Variants in PLEKHB2 observed in about 807,000 individuals in gnomAD.
The protein encoded by PLEKHB2 is pleckstrin homology domain containing B2, also known as pleckstrin homology domain-containing family B member 2.
PLEKHB2 carries 31 observed loss-of-function variants against 36.5 expected under a neutral mutation model. That is an observed-to-expected ratio of 0.85 (90% CI 0.64 to 1.15). The LOEUF is 1.15. Ranked by LOEUF, PLEKHB2 falls within the 50% of genes most tolerant of loss-of-function variation. The probability of loss-of-function intolerance (pLI) is 0.00; values close to 1 mark genes in which losing one functional copy is unlikely to be tolerated. For missense variants in PLEKHB2, 262 were observed against 295.3 expected (o/e 0.89, Z 0.83); for synonymous variants, 119 against 112.0 (o/e 1.06, Z -0.39).
intron 1 of PLEKHB2, among the ~76,000 whole-genome samples, chr2:131,111,676 A>G (rs910481871): frequency 6.6e-6 from 1 of 151,780 alleles, no homozygotes; most frequent in African/African-American, 2.4e-5. Context: ...TTTTTAGTAG[A>G]GACGGGGTTT....
intron 5 of PLEKHB2, 105 bp from the exon 6 acceptor site, chr2:131,132,797 G>T (rs1038801338): frequency 4.3e-6 from 3 of 700,002 alleles, no homozygotes; most frequent in African/African-American, 1.8e-5. Flanking sequence ...GTATCTTTTT[G>T]TTTTTTTAAA....
chr2:131,133,318 A>G (rs1697908753), intron 6 of PLEKHB2, among the ~76,000 whole-genome samples: 1 of 152,184 alleles, frequency 6.6e-6, no homozygotes, highest in Non-Finnish European at 1.5e-5. Context: ...TTATAGTCAG[A>G]AAAAAATGCT....
Position 131,132,940 on chromosome 2 carries a change from C to G in PLEKHB2, c.372C>G (p.Ser124=). 6.2e-7 allele frequency: 1 copy of G among 1,613,710 alleles called. No individual in the cohort carries two copies. Among genetic ancestry groups the G allele is most frequent in the Non-Finnish European group, 8.5e-7 (1 of 1,179,618 alleles). Residue 124 remains serine (S), a synonymous_variant, in exon 6 of 8, where the codon TCC becomes TCG. Coordinates refer to ENST00000693505, the MANE Select transcript of PLEKHB2 (RefSeq NM_001100623.2). ...VGSAVMTDET[S]VVSSPPPYTA... The stretch of plus-strand genomic sequence containing the variant: ...CTGCAGTCATGACCGATGAGACATC[C>G]GTGGTTTCCTCACCTCCACCATACA...
At chr2:131,124,189 G>A (rs1696860634) in intron 2 of PLEKHB2, among the ~76,000 whole-genome samples, 1 of 152,142 alleles carries the variant, frequency 6.6e-6, no homozygotes, top group African/African-American at 2.4e-5. Context: ...GTGGATGCTT[G>A]GGTATCACTT....
intron 6 of PLEKHB2, among the ~76,000 whole-genome samples, chr2:131,138,988 G>A: frequency 6.6e-6 from 1 of 152,214 alleles, no homozygotes; most frequent in East Asian, 1.9e-4. Context: ...GGCCTGCTGA[G>A]CATGGAAATT....
chr2:131,130,122 C>T (rs1478689248), intron 4 of PLEKHB2, among the ~76,000 whole-genome samples: 1 of 152,044 alleles, frequency 6.6e-6, no homozygotes, highest in Non-Finnish European at 1.5e-5. Context: ...TGGCTCACTA[C>T]AGCCTCGACC....
intron 6 of PLEKHB2, among the ~76,000 whole-genome samples, chr2:131,137,751 T>TATTCTTTTATTTCTTTCCTTCTGC (rs528525396): frequency 1.8e-4 from 27 of 152,284 alleles, no homozygotes; most frequent in African/African-American, 5.8e-4. Context: ...TCATTGATTC[T>TATTCTTTTATTTCTTTCCTTCTGC]ATTCTTTTAT....
intron 1 of PLEKHB2, among the ~76,000 whole-genome samples, chr2:131,113,398 G>A (rs1695528423): frequency 6.6e-6 from 1 of 152,152 alleles, no homozygotes; most frequent in Non-Finnish European, 1.5e-5. Context: ...TTTCTTGCTT[G>A]GTATGTGGGG....
chr2:131,136,231 C>G (rs992035976), intron 6 of PLEKHB2, among the ~76,000 whole-genome samples: 1 of 144,320 alleles, frequency 6.9e-6, no homozygotes, highest in African/African-American at 2.6e-5. Flanking sequence ...CTCCTCTCTC[C>G]CCTGACCCCC....
At position 131,149,642 on chromosome 2, in the gene PLEKHB2, A is replaced by G. The variant is rs1226849523; in HGVS notation, c.*2869A>G. The G allele has an allele frequency of 3.3e-5, 5 of 152,202 alleles. No individual in the cohort carries two copies. Among genetic ancestry groups the G allele is most frequent in the African/African-American group, 7.2e-5 (3 of 41,434 alleles). The allele number at this position is 152,202 out of a possible 1,614,324, so 9.4% of individuals were successfully genotyped here. On this transcript the variant is annotated 3_prime_UTR_variant, in exon 8 of 8. Transcript: ENST00000693505. ...TTTCCACAAGTTTTGATCCTGTGTAATATTTCTTTTTCCTTCCCTAGTGTA... is the reference window on the plus strand; with the variant it reads ...TTTCCACAAGTTTTGATCCTGTGTAGTATTTCTTTTTCCTTCCCTAGTGTA...
chr2:131,110,546 C>T (rs886180518), intron 1 of PLEKHB2, among the ~76,000 whole-genome samples: 1 of 152,066 alleles, frequency 6.6e-6, no homozygotes, highest in African/African-American at 2.4e-5. Flanking sequence ...CAGCTAACTT[C>T]TTATTTTTTT....
chr2:131,109,542 C>G (rs1415022837), intron 1 of PLEKHB2, among the ~76,000 whole-genome samples: 1 of 151,740 alleles, frequency 6.6e-6, no homozygotes, highest in South Asian at 2.1e-4. Flanking sequence ...GTACAAAAAT[C>G]AGCTGTGCGT....
intron 7 of PLEKHB2, chr2:131,144,409 G>T: frequency 8.1e-7 from 1 of 1,227,154 alleles, no homozygotes; most frequent in Non-Finnish European, 1.0e-6. Context: ...GTCTTGTAGA[G>T]ACCATCCTCA....
intron 7 of PLEKHB2, chr2:131,144,545 TG>T (rs1699096028): frequency 2.1e-6 from 1 of 467,452 alleles, no homozygotes; most frequent in South Asian, 1.1e-4. Context: ...GATGGTAATT[TG>T]TAAAAGTAAC....
At position 131,117,780 on chromosome 2, in the gene PLEKHB2, T is replaced by C. The variant is rs77839787; in HGVS notation, c.-8-3154T>C. ...CACAGATGTGATACTGTCTACAACA[T>C]TCCTTCCTTTTTGTTTCGCCTGTTT... On this transcript the variant is annotated intron_variant, in intron 1 of 7. Transcript: ENST00000693505. Among the ~76,000 whole-genome samples the C allele has an allele frequency of 1.6e-4, 25 of 152,334 alleles. 1 individual carries two copies. In the East Asian group the frequency reaches 4.1e-3, roughly 25 times the overall value.
At chr2:131,129,324 C>CAAAAAAA (rs1168039416) in intron 4 of PLEKHB2, among the ~76,000 whole-genome samples, 17 of 49,990 alleles carry the variant, frequency 3.4e-4, no homozygotes, top group Non-Finnish European at 5.1e-4. Flanking sequence ...GACTCCATCT[C>CAAAAAAA]AAAAAAAAAA....
At chr2:131,133,969 G>C (rs937314959) in intron 6 of PLEKHB2, among the ~76,000 whole-genome samples, 2 of 148,348 alleles carry the variant, frequency 1.3e-5, no homozygotes, top group Non-Finnish European at 3.0e-5. Context: ...GCTCGATCTC[G>C]GCTCACTAAA....
In PLEKHB2 at chr2:131,136,509, A is replaced by T. The variant is rs538685207; in HGVS notation, c.423+3518A>T. 2.1e-4 allele frequency among the ~76,000 whole-genome samples: 32 copies of T among 151,826 alleles called. 3 individuals are homozygous for T. Among genetic ancestry groups the T allele is most frequent in the African/African-American group, 7.5e-4 (31 of 41,180 alleles). On this transcript the variant is annotated intron_variant, in intron 6 of 7. Transcript: ENST00000693505. The stretch of plus-strand genomic sequence containing the variant: ...AAATACTTTTTCTACAGTAATTAAT[A>T]TGATCATGAGATTTTTCTTTTCTTT...
intron 1 of PLEKHB2, chr2:131,108,189 T>G (rs1694930356): frequency 6.6e-6 from 1 of 152,182 alleles, no homozygotes; most frequent in Non-Finnish European, 1.5e-5. Context: ...TGTCCATCTG[T>G]TGTCTGTTTC....
Sources: allele counts gnomAD v4.1 joint callset (sites outside exome capture counted in the v4.1 genomes callset), GRCh38; gene constraint gnomAD v4.1.1; transcripts MANE v1.5; gene names NCBI Gene and HGNC (gene_info 2026-07-23, HGNC 2026-07-21).